The following NELL2 variants were observed in gnomAD, a reference collection of about 807,000 sequenced individuals.
The protein encoded by NELL2 is protein kinase C-binding protein NELL2.
In NELL2, 41 loss-of-function variants were observed where a neutral mutation model predicts 109.6. That is an observed-to-expected ratio of 0.37 (90% CI 0.29 to 0.49). NELL2 has a LOEUF of 0.49. Among genes scored for constraint, NELL2 ranks in the 20% least tolerant of loss-of-function variants. The pLI, the probability that NELL2 is intolerant of heterozygous loss-of-function variation, is 0.98. For synonymous variants in NELL2, 355 were observed against 344.7 expected (o/e 1.03, Z -0.33); for missense variants, 900 against 1,008.3 (o/e 0.89, Z 1.45).
chr12:44,814,144 A>G (rs1161332852), intron 3 of NELL2, among the ~76,000 whole-genome samples: 1 of 152,138 alleles, frequency 6.6e-6, no homozygotes, highest in African/African-American at 2.4e-5. Context: ...GACAAGCCTC[A>G]GGAGGAGCAG....
At chr12:44,879,296 G>A (rs112544955), upstream of NELL2, among the ~76,000 whole-genome samples, 290 of 152,240 alleles carry the variant, frequency 1.9e-3, 1 homozygote, top group African/African-American at 6.0e-3. Flanking sequence ...ACAACCATCC[G>A]TAAGATAATA....
chr12:44,720,940 G>A (rs1438210986), intron 9 of NELL2, among the ~76,000 whole-genome samples: 1 of 152,144 alleles, frequency 6.6e-6, no homozygotes, highest in Admixed American at 6.5e-5. Flanking sequence ...TCCAAAAAGA[G>A]AACAGGCCCT....
At chr12:44,864,993 A>C (rs1245729751) in intron 2 of NELL2, among the ~76,000 whole-genome samples, 1 of 141,592 alleles carries the variant, frequency 7.1e-6, no homozygotes, top group Admixed American at 7.2e-5. Context: ...CCAACAGTGT[A>C]AAAGTGTTCC....
At chr12:44,673,787 A>G (rs1948220460) in intron 12 of NELL2, among the ~76,000 whole-genome samples, 1 of 152,214 alleles carries the variant, frequency 6.6e-6, no homozygotes, top group African/African-American at 2.4e-5. Context: ...TTAAAGAGCA[A>G]TATCTCTAAT....
chr12:44,881,133 T>C (rs117502378), upstream of NELL2, among the ~76,000 whole-genome samples: 1,086 of 152,150 alleles, frequency 7.1e-3, 60 homozygotes, highest in East Asian at 0.16. Context: ...AATCGCCTGC[T>C]TAAATTTCTA....
At chr12:44,832,524 A>AT (rs1283840568) in intron 2 of NELL2, among the ~76,000 whole-genome samples, 2 of 152,222 alleles carry the variant, frequency 1.3e-5, no homozygotes, top group Non-Finnish European at 2.9e-5. Context: ...AAAACAATCA[A>AT]TAAGTATAGC....
chr12:44,866,057 C>G (rs982842321), intron 2 of NELL2, among the ~76,000 whole-genome samples: 2 of 152,084 alleles, frequency 1.3e-5, no homozygotes, highest in Non-Finnish European at 2.9e-5. Flanking sequence ...AGGAAGCACC[C>G]TAGAGTCTCT....
In NELL2 at chr12:44,777,057, G is replaced by A; in HGVS notation, c.747C>T (p.Ala249=). ...QKIMELQDIL[A]KTSAKLSRAE... is the part of the protein sequence containing the mutation. ...TAGCTTTTACCTTGGCTGATGTTTT[G>A]GCTAAAATATCCTGTAGCTCCATGA... The change falls in exon 7 of 20, where the codon GCC becomes GCT. Residue 249 remains alanine, a synonymous_variant. Coordinates refer to ENST00000429094, the MANE Select transcript of NELL2 (RefSeq NM_001145108.2). The A allele has an allele frequency of 6.2e-7, 1 of 1,613,866 alleles. No homozygotes were observed. Among genetic ancestry groups the A allele is most frequent in the Non-Finnish European group, 8.5e-7 (1 of 1,179,852 alleles).
At chr12:44,910,270 C>T (rs1945764907) in intron 1 of NELL2, among the ~76,000 whole-genome samples, 1 of 151,796 alleles carries the variant, frequency 6.6e-6, no homozygotes, top group African/African-American at 2.4e-5. Context: ...CTTAATTCAA[C>T]AAGCAAAAAC....
chr12:44,681,817 T>C (rs1259034644), intron 12 of NELL2, among the ~76,000 whole-genome samples: 1 of 152,008 alleles, frequency 6.6e-6, no homozygotes, highest in Admixed American at 6.5e-5. Flanking sequence ...CAGTCTATCA[T>C]TGTTGGACAT....
chr12:44,861,549 T>C (rs937512942), intron 2 of NELL2, among the ~76,000 whole-genome samples: 3 of 152,182 alleles, frequency 2.0e-5, no homozygotes, highest in Admixed American at 2.0e-4. Context: ...GCAGCAGCCA[T>C]GGGCTCTGGA....
chr12:44,903,206 C>T (rs965755058), intron 1 of NELL2, among the ~76,000 whole-genome samples: 3 of 151,876 alleles, frequency 2.0e-5, no homozygotes, highest in African/African-American at 4.8e-5. Context: ...AAAAAAAATA[C>T]CCCCATCAAA....
intron 13 of NELL2, among the ~76,000 whole-genome samples, chr12:44,622,773 C>G (rs1362639704): frequency 2.0e-5 from 3 of 152,054 alleles, no homozygotes; most frequent in Admixed American, 6.6e-5. Context: ...CAAAAGAAAC[C>G]TATCAGTGTT....
At chr12:44,754,619 G>T (rs1429895535) in intron 9 of NELL2, among the ~76,000 whole-genome samples, 1 of 152,090 alleles carries the variant, frequency 6.6e-6, no homozygotes, top group Non-Finnish European at 1.5e-5. Flanking sequence ...ACTACTGTTA[G>T]AATTAATATG....
chr12:44,843,343 A>C (rs1944282044), intron 2 of NELL2, among the ~76,000 whole-genome samples: 1 of 152,206 alleles, frequency 6.6e-6, no homozygotes, highest in African/African-American at 2.4e-5. Context: ...TGCAAATTAA[A>C]GCCAGAGGAG....
intron 16 of NELL2, among the ~76,000 whole-genome samples, chr12:44,527,714 T>C (rs370299280): frequency 6.6e-6 from 1 of 152,124 alleles, no homozygotes; most frequent in East Asian, 1.9e-4. Flanking sequence ...ATTCTACACA[T>C]CACGGAAATC....
chr12:44,879,284 G>C (rs2465108), upstream of NELL2, among the ~76,000 whole-genome samples: 33,985 of 151,992 alleles, frequency 0.22, 4,392 homozygotes, highest in East Asian at 0.44. Flanking sequence ...TTAGACTTCT[G>C]AACAACCATC....
At chr12:44,633,568 C>G (rs1337063934) in intron 13 of NELL2, among the ~76,000 whole-genome samples, 2 of 152,088 alleles carry the variant, frequency 1.3e-5, no homozygotes, top group Non-Finnish European at 2.9e-5. Context: ...GCTTTGAGTT[C>G]AAAGTCATGC....
At chr12:44,719,325 T>C (rs1938648642) in intron 9 of NELL2, among the ~76,000 whole-genome samples, 1 of 152,196 alleles carries the variant, frequency 6.6e-6, no homozygotes, top group African/African-American at 2.4e-5. Flanking sequence ...AATGCAGAGA[T>C]GGCAACTGCA....
Sources: gnomAD v4.1 joint callset for allele counts (sites outside exome capture counted in the v4.1 genomes callset) on GRCh38, gnomAD v4.1.1 for gene constraint, MANE v1.5 for transcripts, NCBI Gene and HGNC (gene_info 2026-07-23, HGNC 2026-07-21) for gene names.